The following NRXN3 variants were observed in gnomAD, a reference collection of about 807,000 sequenced individuals.
The protein encoded by NRXN3 is neurexin 3.
A neutral mutation model predicts 137.6 loss-of-function variants in NRXN3; 32 were observed. That is an observed-to-expected ratio of 0.23 (90% confidence interval 0.18 to 0.31). The LOEUF (loss-of-function observed/expected upper bound fraction) is 0.31, where lower values mean the gene tolerates loss of function less well. NRXN3 is among the 10% of genes least tolerant of loss of function. The probability of loss-of-function intolerance (pLI) is 1.00; values close to 1 mark genes in which losing one functional copy is unlikely to be tolerated. For synonymous variants in NRXN3, 798 were observed against 784.5 expected (o/e 1.02, Z -0.29); for missense variants, 1,574 against 2,062.5 (o/e 0.76, Z 4.59).
chr14:79,856,618 CTT>C (rs34929411), intron 20 of NRXN3, among the ~76,000 whole-genome samples: 2,088 of 143,524 alleles, frequency 0.015, 39 homozygotes, highest in African/African-American at 0.043. Flanking sequence ...TTTTTTTGTT[CTT>C]TTTTTTTTTT....
intron 4 of NRXN3, among the ~76,000 whole-genome samples, chr14:78,546,297 AT>A (rs1351363208): frequency 3.9e-5 from 6 of 152,126 alleles, no homozygotes; most frequent in Non-Finnish European, 7.4e-5. Flanking sequence ...TTTAATTTGC[AT>A]TTCTCGGACT....
At chr14:78,475,412 C>T (rs2095361804) in intron 4 of NRXN3, among the ~76,000 whole-genome samples, 1 of 152,106 alleles carries the variant, frequency 6.6e-6, no homozygotes, top group African/African-American at 2.4e-5. Flanking sequence ...ATTCATGGTA[C>T]CCAGAGCATG....
intron 15 of NRXN3, among the ~76,000 whole-genome samples, chr14:79,082,010 A>G (rs1052340343): frequency 2.6e-5 from 4 of 152,006 alleles, no homozygotes; most frequent in African/African-American, 7.3e-5. Flanking sequence ...AGGGGAAGGC[A>G]TAAATATATA....
At chr14:79,036,844 G>A (rs1433879258) in intron 15 of NRXN3, among the ~76,000 whole-genome samples, 1 of 151,738 alleles carries the variant, frequency 6.6e-6, no homozygotes, top group African/African-American at 2.4e-5. Context: ...TGAATGGAAG[G>A]GAAGGCGGGA....
chr14:79,036,996 G>T (rs1449364096), intron 15 of NRXN3, among the ~76,000 whole-genome samples: 1 of 151,986 alleles, frequency 6.6e-6, no homozygotes, highest in Non-Finnish European at 1.5e-5. Flanking sequence ...CTAACTTCTA[G>T]TACCTTTGAT....
rs1049882993 is a variant in NRXN3, at chr14:79,065,638, T to C, written c.3262+77497T>C. 2.0e-5 allele frequency among the ~76,000 whole-genome samples: 3 copies of C among 152,202 alleles called. No homozygotes were observed. In the East Asian group the frequency reaches 5.8e-4, roughly 29 times the overall value. On this transcript the variant is annotated intron_variant, in intron 15 of 20. Coordinates refer to ENST00000335750, the MANE Select transcript of NRXN3 (RefSeq NM_001330195.2). ...AAAGGTGCTGGCGGGGTTGGTTTAT[T>C]CTGAGAACCATAAAGAAGAACCTGC...
intron 1 of NRXN3, among the ~76,000 whole-genome samples, chr14:78,208,249 A>G (rs1253072936): frequency 6.6e-6 from 1 of 152,210 alleles, no homozygotes; most frequent in Non-Finnish European, 1.5e-5. Flanking sequence ...TTATTAAATA[A>G]AATAAATATA....
chr14:79,263,640 A>T (rs1455857051), intron 15 of NRXN3, among the ~76,000 whole-genome samples: 1 of 152,252 alleles, frequency 6.6e-6, no homozygotes, highest in African/African-American at 2.4e-5. Flanking sequence ...AAGGTAATAA[A>T]TAGTAATAAA....
chr14:79,112,516 G>A (rs780359059), intron 15 of NRXN3, among the ~76,000 whole-genome samples: 1 of 152,180 alleles, frequency 6.6e-6, no homozygotes, highest in Non-Finnish European at 1.5e-5. Flanking sequence ...AACTTTGAAT[G>A]AATAAACTAG....
intron 15 of NRXN3, among the ~76,000 whole-genome samples, chr14:79,013,960 C>T (rs901860238): frequency 6.6e-6 from 1 of 152,156 alleles, no homozygotes; most frequent in East Asian, 1.9e-4. Context: ...AACACCTGGA[C>T]TTCTCAAAGG....
chr14:79,082,409 G>GTGTGTGTA (rs1213388268), intron 15 of NRXN3, among the ~76,000 whole-genome samples: 6 of 151,942 alleles, frequency 3.9e-5, no homozygotes, highest in Admixed American at 3.9e-4. Context: ...GTGTGTGTGT[G>GTGTGTGTA]TGTGTGTGTG....
chr14:78,434,973 G>A (rs761327320), intron 4 of NRXN3, among the ~76,000 whole-genome samples: 8 of 152,108 alleles, frequency 5.3e-5, no homozygotes, highest in Non-Finnish European at 7.4e-5. Flanking sequence ...GCTTGCAGGC[G>A]GCTAAAGCCA....
chr14:78,175,268 C>T (rs2059151365), intron 1 of NRXN3, among the ~76,000 whole-genome samples: 1 of 152,118 alleles, frequency 6.6e-6, no homozygotes. Flanking sequence ...TGGGGCTGAC[C>T]CTGAGGAGTT....
intron 4 of NRXN3, among the ~76,000 whole-genome samples, chr14:78,318,330 C>A (rs2078945371): frequency 6.6e-6 from 1 of 152,282 alleles, no homozygotes; most frequent in East Asian, 1.9e-4. Context: ...CCAGGCCCAA[C>A]TTTCTTAAGT....
At chr14:79,565,141 T>C (rs1292465626) in intron 16 of NRXN3, among the ~76,000 whole-genome samples, 1 of 151,762 alleles carries the variant, frequency 6.6e-6, no homozygotes, top group Non-Finnish European at 1.5e-5. Context: ...TTGTATTTAA[T>C]TTATAAATGG....
intron 15 of NRXN3, among the ~76,000 whole-genome samples, chr14:79,334,203 G>A (rs2092047069): frequency 6.6e-6 from 1 of 151,976 alleles, no homozygotes; most frequent in Non-Finnish European, 1.5e-5. Context: ...AACCAATCTG[G>A]AAATAAATAT....
chr14:79,220,524 G>A (rs899282637), intron 15 of NRXN3, among the ~76,000 whole-genome samples: 2 of 152,030 alleles, frequency 1.3e-5, no homozygotes, highest in Admixed American at 6.6e-5. Context: ...ATCTTCATGT[G>A]TCACCATCAT....
At chr14:79,704,535 A>G (rs1419441886) in intron 19 of NRXN3, among the ~76,000 whole-genome samples, 7 of 152,130 alleles carry the variant, frequency 4.6e-5, no homozygotes, top group African/African-American at 1.7e-4. Flanking sequence ...CCACTAGACA[A>G]CAGAGCCTCC....
chr14:79,593,926 C>T (rs914018741), intron 16 of NRXN3, among the ~76,000 whole-genome samples: 2 of 152,050 alleles, frequency 1.3e-5, no homozygotes, highest in East Asian at 3.9e-4. Context: ...TCAGTTAGAA[C>T]AAATAATTGT....
Sources: allele counts gnomAD v4.1 joint callset (sites outside exome capture counted in the v4.1 genomes callset), GRCh38; gene constraint gnomAD v4.1.1; transcripts MANE v1.5; gene names NCBI Gene and HGNC (gene_info 2026-07-23, HGNC 2026-07-21).